DOCK5: variants seen among roughly 807,000 people sequenced by gnomAD.
DOCK5 encodes dedicator of cytokinesis 5.
A neutral mutation model predicts 251.8 loss-of-function variants in DOCK5; 142 were observed. The observed-to-expected ratio is 0.56, with a 90% CI of 0.49 to 0.65. The LOEUF is 0.65. DOCK5 is among the 30% of genes least tolerant of loss of function. The pLI, the probability that DOCK5 is intolerant of heterozygous loss-of-function variation, is 0.00. For missense variants in DOCK5, 2,111 were observed against 2,312.3 expected (o/e 0.91, Z 1.79); for synonymous variants, 842 against 835.5 (o/e 1.01, Z -0.13).
chr8:25,327,306 A>G (rs1266516653), intron 18 of DOCK5, among the ~76,000 whole-genome samples: 23 of 152,196 alleles, frequency 1.5e-4, no homozygotes, highest in Non-Finnish European at 1.5e-5. Flanking sequence ...ATTTTTAACT[A>G]TGAAATGTCA....
intron 39 of DOCK5, among the ~76,000 whole-genome samples, 194 bp from the exon 40 acceptor site, chr8:25,382,480 C>T (rs558542556): frequency 1.3e-5 from 2 of 152,314 alleles, no homozygotes; most frequent in East Asian, 1.9e-4. Flanking sequence ...AGCCTTCCAA[C>T]GTCCATTCAT....
intron 2 of DOCK5, among the ~76,000 whole-genome samples, chr8:25,259,513 T>C (rs1183891683): frequency 1.3e-5 from 2 of 152,216 alleles, no homozygotes; most frequent in Admixed American, 1.3e-4. Flanking sequence ...TAGAACACAG[T>C]GGCACCATCA....
chr8:25,354,032 AAAAAAAAAAAAAAAAACAAAC>A (rs1247304380), intron 27 of DOCK5, among the ~76,000 whole-genome samples: 1 of 14,530 alleles, frequency 6.9e-5, no homozygotes, highest in Non-Finnish European at 6.2e-4. Flanking sequence ...TGTCTTAAAA[AAAAAAAAAAAAAAAAACAAAC>A]AAAAAAAAAA....
In DOCK5 at chr8:25,336,522, G is replaced by A. The variant is rs554237819; in HGVS notation, c.2327+149G>A. The A allele has an allele frequency of 1.9e-4, 212 of 1,140,398 alleles. 8 individuals are homozygous for A. In the South Asian group the frequency reaches 3.5e-3, roughly 19 times the overall value. 70.6% of individuals were successfully genotyped at this position (1,140,398 alleles called of 1,614,324 possible). The stretch of plus-strand genomic sequence containing the variant: ...AACTGCAGGGCTGAAGATGGATTTG[G>A]GCTGCGTGTCTGTTGGAGAAGACTC... On this transcript the variant is annotated intron_variant, in intron 22 of 51. Transcript: ENST00000276440.
intron 1 of DOCK5, among the ~76,000 whole-genome samples, chr8:25,208,183 A>T (rs189152593): frequency 6.6e-6 from 1 of 152,322 alleles, no homozygotes; most frequent in African/African-American, 2.4e-5. Flanking sequence ...GTTACTTTTT[A>T]TGAATGAGCA....
intron 2 of DOCK5, among the ~76,000 whole-genome samples, chr8:25,247,641 A>T (rs143659925): frequency 5.8e-4 from 89 of 152,294 alleles, no homozygotes; most frequent in African/African-American, 2.1e-3. Context: ...ATACTTTACC[A>T]AGAGTTCTCC....
Position 25,342,483 on chromosome 8 carries a change from G to T in DOCK5, c.2593G>T (p.Glu865Ter). 6.3e-7 allele frequency: 1 copy of T among 1,594,716 alleles called. No individual in the cohort carries two copies. Among genetic ancestry groups the T allele is most frequent in the South Asian group, 1.1e-5 (1 of 88,124 alleles). The change falls in exon 25 of 52, where the codon GAG becomes TAG. Residue 865 changes from glutamate to a stop codon, truncating the protein, a stop_gained. Coordinates refer to ENST00000276440, the MANE Select transcript of DOCK5 (RefSeq NM_024940.8). LOFTEE classifies it high-confidence loss of function. ...ACTTAACTGCATGACCAAGATAGTA[G>T]AGAGCACTCTTTTTCGACAGTCAGG... is the stretch of plus-strand genomic sequence containing the variant. ...QKLNCMTKIV[E>*]STLFRQSECR...
At chr8:25,255,179 A>T (rs1479389261) in intron 2 of DOCK5, among the ~76,000 whole-genome samples, 3 of 152,224 alleles carry the variant, frequency 2.0e-5, no homozygotes. Flanking sequence ...CTCTCATCAC[A>T]CAATGCAGCA....
intron 40 of DOCK5, among the ~76,000 whole-genome samples, chr8:25,386,457 G>A (rs906634458): frequency 1.6e-4 from 24 of 152,126 alleles, no homozygotes; most frequent in Admixed American, 1.2e-3. Context: ...AAATTAGCCA[G>A]GCATGGTAGC....
intron 1 of DOCK5, among the ~76,000 whole-genome samples, chr8:25,194,068 C>G (rs1801654297): frequency 6.6e-6 from 1 of 150,900 alleles, no homozygotes; most frequent in South Asian, 2.1e-4. Context: ...GGTGTATCAC[C>G]TGAGGTCAGA....
chr8:25,250,983 A>AGTGG (rs1380778638), intron 2 of DOCK5, among the ~76,000 whole-genome samples: 1 of 152,178 alleles, frequency 6.6e-6, no homozygotes, highest in East Asian at 1.9e-4. Context: ...TGCTTTGAAA[A>AGTGG]GTGCATAGTA....
chr8:25,389,772 A>C (rs1219877131), intron 41 of DOCK5, among the ~76,000 whole-genome samples: 1 of 152,184 alleles, frequency 6.6e-6, no homozygotes, highest in African/African-American at 2.4e-5. Context: ...TAACACATTC[A>C]AAATACCTAG....
At chr8:25,408,998 A>G (rs1801571886) in intron 50 of DOCK5, 58 bp downstream of exon 50, 2 of 1,608,856 alleles carry the variant, frequency 1.2e-6, no homozygotes, top group Non-Finnish European at 1.7e-6. Context: ...ATGTTTATGC[A>G]TCTGGGCAGT....
At chr8:25,406,803 T>C (rs1424362125) in intron 48 of DOCK5, among the ~76,000 whole-genome samples, 2 of 152,052 alleles carry the variant, frequency 1.3e-5, no homozygotes, top group Admixed American at 6.6e-5. Context: ...AAGTTTTATA[T>C]TCTTAGTAGA....
At chr8:25,348,984 A>T (rs1406605277) in intron 26 of DOCK5, among the ~76,000 whole-genome samples, 1 of 152,190 alleles carries the variant, frequency 6.6e-6, no homozygotes, top group Admixed American at 6.5e-5. Flanking sequence ...ACACTAAGGA[A>T]ATGTTATGTA....
intron 2 of DOCK5, among the ~76,000 whole-genome samples, chr8:25,254,980 G>A (rs1358507788): frequency 6.6e-6 from 1 of 151,904 alleles, no homozygotes. Flanking sequence ...TATCATTAGA[G>A]AATTGAAAAT....
Position 25,258,192 on chromosome 8 carries a change from C to T in DOCK5, c.128-10653C>T, listed in dbSNP as rs868451868. Among the ~76,000 whole-genome samples, 4 of 151,892 alleles carry T rather than the reference C, an allele frequency of 2.6e-5. No homozygotes were observed. The South Asian group carries it at 6.2e-4, about 24-fold the overall frequency. On this transcript the variant is annotated intron_variant, in intron 2 of 51. Coordinates refer to ENST00000276440, the MANE Select transcript of DOCK5 (RefSeq NM_024940.8). ...ATATATCATCTCTCTATTTTGCTGACTGTGATTTGGTCCTCTTCCTCATCC... is the reference window on the plus strand; with the variant it reads ...ATATATCATCTCTCTATTTTGCTGATTGTGATTTGGTCCTCTTCCTCATCC...
In DOCK5 at chr8:25,380,288, C is replaced by G. The variant is rs767615786; in HGVS notation, c.3937-17C>G. On this transcript the variant is annotated splice_polypyrimidine_tract_variant and intron_variant, in intron 38 of 51. Transcript: ENST00000276440. ...GCCTTGTTCTCCACTTTTAACCTTA[C>G]TTTCCTTTTTCTGAAGATGTGGGAG... 5 of 1,600,772 alleles carry G rather than the reference C, an allele frequency of 3.1e-6. No individual in the cohort carries two copies. Among genetic ancestry groups the G allele is most frequent in the African/African-American group, 1.3e-5 (1 of 74,840 alleles).
At chr8:25,373,950 C>T (rs1164354362) in intron 36 of DOCK5, among the ~76,000 whole-genome samples, 3 of 152,130 alleles carry the variant, frequency 2.0e-5, no homozygotes, top group Non-Finnish European at 4.4e-5. Flanking sequence ...AAAACCCACC[C>T]AAGAGTCTTA....
Sources: allele counts gnomAD v4.1 joint callset (sites outside exome capture counted in the v4.1 genomes callset), GRCh38; gene constraint gnomAD v4.1.1; transcripts MANE v1.5; gene names NCBI Gene and HGNC (gene_info 2026-07-23, HGNC 2026-07-21).